GLI3: variants seen among roughly 807,000 people sequenced by gnomAD.
GLI3 encodes GLI family zinc finger 3.
A neutral mutation model predicts 100.8 loss-of-function variants in GLI3; 20 were observed. The ratio of observed to expected loss-of-function variants is 0.20; its 90% confidence interval spans 0.14 to 0.29. The LOEUF (loss-of-function observed/expected upper bound fraction) is 0.29. GLI3 is among the 10% of genes least tolerant of loss of function. GLI3 has a pLI of 1.00. For synonymous variants in GLI3, 938 were observed against 860.5 expected (o/e 1.09, Z -1.58); for missense variants, 2,040 against 2,128.5 (o/e 0.96, Z 0.82).
intron 2 of GLI3, among the ~76,000 whole-genome samples, chr7:42,190,286 A>G (rs924810948): frequency 1.3e-5 from 2 of 152,200 alleles, no homozygotes; most frequent in Non-Finnish European, 2.9e-5. Flanking sequence ...CAGGCTGTTT[A>G]GAGGATGGGG....
At chr7:42,018,771 A>G (rs772267667) in intron 10 of GLI3, among the ~76,000 whole-genome samples, 1 of 152,200 alleles carries the variant, frequency 6.6e-6, no homozygotes, top group African/African-American at 2.4e-5. Flanking sequence ...AAATCCAAGT[A>G]GGTGGTTAAT....
At position 42,166,650 on chromosome 7, in the gene GLI3, CTTTTTTTT is replaced by C. The variant is rs1203814510; in HGVS notation, c.125-18190_125-18183del. ...CATTCTGCCAGCCTGGTTCTGATTC[CTTTTTTTT>C]TTTTTTTTTTTTTTTTTTTGAGACA... On this transcript the variant is annotated intron_variant, in intron 2 of 14. Coordinates refer to ENST00000395925, the MANE Select transcript of GLI3 (RefSeq NM_000168.6). Among the ~76,000 whole-genome samples the C allele has an allele frequency of 8.0e-4, 64 of 80,270 alleles. No individual in the cohort carries two copies. In the East Asian group the frequency reaches 0.019, roughly 24 times the overall value. The allele number at this position is 80,270 out of a possible 152,430, so 52.7% of individuals were successfully genotyped here. A position where few individuals can be genotyped will look rare whatever the true frequency, so the allele number is the denominator to read the frequency against.
At chr7:42,023,792 G>C (rs746466573) in intron 9 of GLI3, among the ~76,000 whole-genome samples, 184 bp from the exon 10 acceptor site, 2 of 152,150 alleles carry the variant, frequency 1.3e-5, no homozygotes, top group African/African-American at 4.8e-5. Flanking sequence ...TACACTCTGA[G>C]AGTTTTAAAC....
At chr7:42,187,259 TA>T (rs1787735346) in intron 2 of GLI3, among the ~76,000 whole-genome samples, 1 of 152,004 alleles carries the variant, frequency 6.6e-6, no homozygotes, top group Non-Finnish European at 1.5e-5. Context: ...AAAATTATTT[TA>T]AAACGCTATT....
At chr7:42,030,135 C>T (rs1177015473) in intron 7 of GLI3, among the ~76,000 whole-genome samples, 1 of 152,174 alleles carries the variant, frequency 6.6e-6, no homozygotes. Flanking sequence ...CTGCCTGTTC[C>T]ATTACCTGGA....
intron 2 of GLI3, among the ~76,000 whole-genome samples, chr7:42,157,854 T>C (rs1034742809): frequency 7.2e-5 from 11 of 152,146 alleles, no homozygotes; most frequent in Non-Finnish European, 1.5e-4. Flanking sequence ...CTTGAAACAA[T>C]AGAACATAGC....
intron 4 of GLI3, among the ~76,000 whole-genome samples, chr7:42,057,454 T>C (rs1369120904): frequency 6.6e-6 from 1 of 152,234 alleles, no homozygotes. Flanking sequence ...TCTTACCATA[T>C]ATTCCAGCAA....
At chr7:42,203,186 T>C (rs1788081992) in intron 2 of GLI3, among the ~76,000 whole-genome samples, 1 of 152,276 alleles carries the variant, frequency 6.6e-6, no homozygotes, top group African/African-American at 2.4e-5. Flanking sequence ...GTGGAACAAT[T>C]AACTCTGCTT....
chr7:42,062,184 C>T (rs2128747430), intron 4 of GLI3, among the ~76,000 whole-genome samples: 1 of 152,230 alleles, frequency 6.6e-6, no homozygotes, highest in East Asian at 1.9e-4. Flanking sequence ...ATTCTACTCA[C>T]AAGGTTTAAG....
rs989518853 is a variant in GLI3 at position 42,200,853 on chromosome 7, T to A, written c.124+22277A>T. On this transcript the variant is annotated intron_variant, in intron 2 of 14. Transcript: ENST00000395925. ...TGTGGATTGGTTAAACCTGAGCCTGTGCAAAAACACAGGACAGACTGAAAT... is the reference window on the plus strand; with the variant it reads ...TGTGGATTGGTTAAACCTGAGCCTGAGCAAAAACACAGGACAGACTGAAAT... Among the ~76,000 whole-genome samples, 12 of 152,216 alleles carry A rather than the reference T, an allele frequency of 7.9e-5. No homozygotes were observed. The South Asian group carries it at 1.2e-3, about 16-fold the overall frequency.
At chr7:42,154,699 C>G (rs994778386) in intron 2 of GLI3, among the ~76,000 whole-genome samples, 1 of 152,132 alleles carries the variant, frequency 6.6e-6, no homozygotes, top group African/African-American at 2.4e-5. Flanking sequence ...CAGAATTACG[C>G]TAGGAAGGGG....
intron 1 of GLI3, among the ~76,000 whole-genome samples, chr7:42,229,767 AAG>A (rs1328891643): frequency 6.6e-6 from 1 of 152,110 alleles, no homozygotes; most frequent in African/African-American, 2.4e-5. Flanking sequence ...ATCCTTTAGA[AAG>A]AGAATTTTTT....
rs117019527 is a variant in GLI3 at position 42,058,347 on chromosome 7, C to T, written c.474-9651G>A. ...TTTTCACTCCATGATCATTCATCAT[C>T]ATTTACTGAGCTACATGTGTACATT... On this transcript the variant is annotated intron_variant, in intron 4 of 14. Transcript: ENST00000395925. Among the ~76,000 whole-genome samples the T allele has an allele frequency of 1.7e-3, 258 of 152,268 alleles. 1 individual carries two copies. Among genetic ancestry groups the T allele is most frequent in the Admixed American group, 3.9e-3 (59 of 15,292 alleles).
At chr7:42,238,349 A>G (rs991646156), upstream of GLI3, among the ~76,000 whole-genome samples, 1 of 151,200 alleles carries the variant, frequency 6.6e-6, no homozygotes, top group African/African-American at 2.4e-5. Flanking sequence ...TCTGATTACC[A>G]CCGCCCCCCA....
chr7:42,173,486 G>A (rs960068482), intron 2 of GLI3, among the ~76,000 whole-genome samples: 1 of 152,090 alleles, frequency 6.6e-6, no homozygotes, highest in African/African-American at 2.4e-5. Flanking sequence ...GTGGAAAGCT[G>A]CCCATTTATT....
intron 2 of GLI3, among the ~76,000 whole-genome samples, chr7:42,198,857 C>A (rs892260675): frequency 7.9e-5 from 12 of 151,252 alleles, no homozygotes; most frequent in Non-Finnish European, 1.3e-4. Flanking sequence ...ACTTTAAAAA[C>A]AACCAGATGA....
intron 3 of GLI3, among the ~76,000 whole-genome samples, chr7:42,133,663 G>T (rs1190314194): frequency 6.7e-6 from 1 of 148,832 alleles, no homozygotes; most frequent in Non-Finnish European, 1.5e-5. Flanking sequence ...AAAAAACTGT[G>T]CCTTAGAGTC....
chr7:42,161,653 C>A (rs2128793877), intron 2 of GLI3, among the ~76,000 whole-genome samples: 1 of 152,278 alleles, frequency 6.6e-6, no homozygotes, highest in Non-Finnish European at 1.5e-5. Flanking sequence ...TTAACTTCTC[C>A]AAAGTCACAA....
chr7:42,162,474 C>G (rs891200692), intron 2 of GLI3, among the ~76,000 whole-genome samples: 1 of 152,112 alleles, frequency 6.6e-6, no homozygotes, highest in Non-Finnish European at 1.5e-5. Flanking sequence ...GGCAGAAAAA[C>G]TTTAAGAGAA....
Sources: allele counts gnomAD v4.1 joint callset (sites outside exome capture counted in the v4.1 genomes callset), GRCh38; gene constraint gnomAD v4.1.1; transcripts MANE v1.5; gene names NCBI Gene and HGNC (gene_info 2026-07-23, HGNC 2026-07-21).